Variants in SYT2 observed in about 807,000 individuals in gnomAD.
SYT2 encodes the protein synaptotagmin 2.
SYT2 carries 15 observed loss-of-function variants against 39.9 expected under a neutral mutation model. The ratio of observed to expected loss-of-function variants is 0.38; its 90% CI spans 0.25 to 0.58. The LOEUF (loss-of-function observed/expected upper bound fraction) is 0.58, where lower values mean the gene tolerates loss of function less well. Among genes scored for constraint, SYT2 ranks in the 20% least tolerant of loss-of-function variants. The pLI, the probability that SYT2 is intolerant of heterozygous loss-of-function variation, is 0.70. For synonymous variants in SYT2, 181 were observed against 204.5 expected, an observed-to-expected ratio of 0.89 and a Z score of 0.98; for missense variants, 389 against 530.3, an observed-to-expected ratio of 0.73 and a Z score of 2.62.
intron 1 of SYT2, among the ~76,000 whole-genome samples, chr1:202,685,593 T>G (rs1220157134): frequency 6.6e-6 from 1 of 152,068 alleles, no homozygotes; most frequent in African/African-American, 2.4e-5. Flanking sequence ...CCTCACCACA[T>G]GAAGGGATGC....
intron 1 of SYT2, among the ~76,000 whole-genome samples, chr1:202,673,072 TC>T (rs1334615999): frequency 6.6e-6 from 1 of 152,130 alleles, no homozygotes; most frequent in African/African-American, 2.4e-5. Flanking sequence ...AAAATATTTT[TC>T]ATTTCTTGCC....
At chr1:202,658,464 C>T (rs898960183) in intron 1 of SYT2, among the ~76,000 whole-genome samples, 1 of 152,062 alleles carries the variant, frequency 6.6e-6, no homozygotes, top group African/African-American at 2.4e-5. Flanking sequence ...TGCCCTGGTC[C>T]AGTCCAGAGC....
chr1:202,697,863 TA>T (rs1373490788), intron 1 of SYT2, among the ~76,000 whole-genome samples: 1 of 152,178 alleles, frequency 6.6e-6, no homozygotes, highest in African/African-American at 2.4e-5. Flanking sequence ...GTTAAATTTA[TA>T]AAAAGAAAAC....
chr1:202,629,026 G>T (rs1041869637), intron 1 of SYT2, among the ~76,000 whole-genome samples: 1 of 152,262 alleles, frequency 6.6e-6, no homozygotes, highest in African/African-American at 2.4e-5. Flanking sequence ...TTATGGCCAT[G>T]GCCGGTTCCT....
chr1:202,643,759 C>T (rs1326010610), intron 1 of SYT2, among the ~76,000 whole-genome samples: 2 of 151,976 alleles, frequency 1.3e-5, no homozygotes, highest in African/African-American at 4.8e-5. Flanking sequence ...TGGCGCGGTC[C>T]TACAGAAGTT....
rs148294023 is a variant in SYT2 at position 202,630,799 on chromosome 1, G to A, written c.-17-25010C>T. On this transcript the variant is annotated intron_variant, in intron 1 of 8. Coordinates refer to ENST00000367268, the MANE Select transcript of SYT2 (RefSeq NM_177402.5). ...GAGCGGAAGCATCTTTCCACACCCC[G>A]GGCCCCAGGAAACATTTGAGAATGG... Among the ~76,000 whole-genome samples the A allele has an allele frequency of 2.4e-3, 370 of 152,266 alleles. 1 individual carries two copies. Among genetic ancestry groups the A allele is most frequent in the African/African-American group, 7.1e-3 (295 of 41,540 alleles).
At chr1:202,637,088 A>C (rs1241723591) in intron 1 of SYT2, among the ~76,000 whole-genome samples, 1 of 152,132 alleles carries the variant, frequency 6.6e-6, no homozygotes, top group Admixed American at 6.5e-5. Flanking sequence ...TTGGAGGCTG[A>C]GGTAGGAGGA....
intron 3 of SYT2, 107 bp downstream of exon 3, chr1:202,604,348 G>T: frequency 8.9e-7 from 1 of 1,125,344 alleles, no homozygotes; most frequent in Non-Finnish European, 1.3e-6. Context: ...TTTAAGGAGG[G>T]GAGCAGGTTT....
chr1:202,668,329 G>A (rs1692518960), intron 1 of SYT2, among the ~76,000 whole-genome samples: 1 of 152,200 alleles, frequency 6.6e-6, no homozygotes, highest in African/African-American at 2.4e-5. Context: ...CCTCTCAGGT[G>A]TGATGTGGGA....
intron 1 of SYT2, among the ~76,000 whole-genome samples, chr1:202,644,575 C>T (rs549394731): frequency 6.6e-6 from 1 of 152,280 alleles, no homozygotes; most frequent in South Asian, 2.1e-4. Flanking sequence ...TCGCCCTCTC[C>T]CCTCAGCCTC....
intron 1 of SYT2, among the ~76,000 whole-genome samples, chr1:202,678,876 A>G (rs1653452327): frequency 6.6e-6 from 1 of 151,672 alleles, no homozygotes; most frequent in Admixed American, 6.6e-5. Flanking sequence ...CAGAGTCTCC[A>G]CCCCCCACCC....
chr1:202,668,501 G>T (rs916060517), intron 1 of SYT2, among the ~76,000 whole-genome samples: 1 of 152,188 alleles, frequency 6.6e-6, no homozygotes, highest in Admixed American at 6.5e-5. Flanking sequence ...GATCCACAGG[G>T]TTTAAAAGCT....
chr1:202,604,923 C>T, intron 2 of SYT2: 1 of 314,340 alleles, frequency 3.2e-6, no homozygotes, highest in South Asian at 4.5e-5. Context: ...CAGTTTAGCT[C>T]TATTGAGTTT....
chr1:202,676,329 T>C (rs1417553177), intron 1 of SYT2, among the ~76,000 whole-genome samples: 1 of 152,158 alleles, frequency 6.6e-6, no homozygotes, highest in Non-Finnish European at 1.5e-5. Flanking sequence ...AGAGAATCCT[T>C]CCCAAAGCCA....
chr1:202,676,173 T>A (rs887715460), intron 1 of SYT2, among the ~76,000 whole-genome samples: 3 of 152,186 alleles, frequency 2.0e-5, no homozygotes, highest in African/African-American at 7.2e-5. Context: ...AATGCCCATC[T>A]TCCTCCCTTC....
intron 1 of SYT2, chr1:202,643,180 C>G (rs934704299): frequency 6.6e-6 from 1 of 152,508 alleles, no homozygotes; most frequent in African/African-American, 2.4e-5. Context: ...TCCGCCCACG[C>G]CTCAGGCCCT....
In SYT2 at chr1:202,663,318, T is replaced by C. The variant is rs1692420322; in HGVS notation, c.-18+46940A>G. Among the ~76,000 whole-genome samples, 4 of 152,160 alleles carry C rather than the reference T, an allele frequency of 2.6e-5. No homozygotes were observed. The South Asian group carries it at 8.3e-4, about 32-fold the overall frequency. On this transcript the variant is annotated intron_variant, in intron 1 of 8. Transcript: ENST00000367268. The stretch of plus-strand genomic sequence containing the variant: ...ATCGGCAGCCATTCTAGCATGGACA[T>C]TCAGTTGCCATGCCGACAGTTCAGC...
At chr1:202,649,923 C>T (rs941549269) in intron 1 of SYT2, among the ~76,000 whole-genome samples, 2 of 152,230 alleles carry the variant, frequency 1.3e-5, no homozygotes, top group Admixed American at 1.3e-4. Flanking sequence ...GACCGCACAG[C>T]CAACTTCAGT....
rs1558430171 is a variant in SYT2 at position 202,613,096 on chromosome 1, T to TC, written c.-17-7308_-17-7307insG. On this transcript the variant is annotated intron_variant, in intron 1 of 8. Coordinates refer to ENST00000367268, the MANE Select transcript of SYT2 (RefSeq NM_177402.5). The stretch of plus-strand genomic sequence containing the variant: ...TTTTTTTTTTTTTTTTTTTTTTTTT[T>TC]TCCAGACAGAGTCTCGCTCTGTCGC... 2.7e-4 allele frequency among the ~76,000 whole-genome samples: 3 copies of TC among 11,012 alleles called. No homozygotes were observed. The Non-Finnish European group carries it at 7.0e-3, about 26-fold the overall frequency. The allele number at this position is 11,012 out of a possible 152,430, so 7.2% of individuals were successfully genotyped here.
Sources: gnomAD v4.1 joint callset for allele counts (sites outside exome capture counted in the v4.1 genomes callset) on GRCh38, gnomAD v4.1.1 for gene constraint, MANE v1.5 for transcripts, NCBI Gene and HGNC (gene_info 2026-07-23, HGNC 2026-07-21) for gene names.